The following RBFOX1 variants were observed in gnomAD, a reference collection of about 807,000 sequenced individuals.
The protein encoded by RBFOX1 is RNA binding fox-1 homolog 1.
Under a neutral mutation model 57.7 loss-of-function variants are expected in RBFOX1, and 8 were observed. The observed-to-expected ratio is 0.14, with a 90% confidence interval of 0.08 to 0.25. RBFOX1 has a LOEUF of 0.25. Ranked by LOEUF, RBFOX1 falls within the 10% of genes least tolerant of loss-of-function variation. The probability of loss-of-function intolerance (pLI) is 1.00; values close to 1 mark genes in which losing one functional copy is unlikely to be tolerated. For synonymous variants in RBFOX1, 326 were observed against 222.4 expected (o/e 1.47, Z -4.15); for missense variants, 611 against 548.5 (o/e 1.11, Z -1.14).
intron 4 of RBFOX1, among the ~76,000 whole-genome samples, chr16:7,125,578 A>G (rs35836295): frequency 0.071 from 10,758 of 152,262 alleles, 579 homozygotes; most frequent in East Asian, 0.22. Flanking sequence ...GGTTCTAAGC[A>G]TTTTACGGTC....
At chr16:6,254,905 C>G (rs1019199640) in intron 1 of RBFOX1, among the ~76,000 whole-genome samples, 1 of 152,060 alleles carries the variant, frequency 6.6e-6, no homozygotes, top group African/African-American at 2.4e-5. Context: ...CCATGCCCAC[C>G]CCCACTGTCT....
chr16:5,640,535 C>G (rs193221394), intron 3 of RBFOX1, among the ~76,000 whole-genome samples: 2 of 150,756 alleles, frequency 1.3e-5, no homozygotes, highest in Non-Finnish European at 2.9e-5. Context: ...TGCACATACA[C>G]ACATGCACAT....
At chr16:6,284,896 A>T (rs2076744550) in intron 1 of RBFOX1, among the ~76,000 whole-genome samples, 2 of 152,120 alleles carry the variant, frequency 1.3e-5, no homozygotes, top group Admixed American at 6.6e-5. Flanking sequence ...AGTTTGTGAA[A>T]TGGAGTGAAA....
chr16:6,554,322 G>A (rs1465410729), intron 2 of RBFOX1, among the ~76,000 whole-genome samples: 3 of 152,110 alleles, frequency 2.0e-5, no homozygotes, highest in Non-Finnish European at 2.9e-5. Flanking sequence ...TCCCATCCCC[G>A]TGAAGTGTTG....
At chr16:6,980,894 T>G (rs1359853733) in intron 3 of RBFOX1, among the ~76,000 whole-genome samples, 4 of 151,784 alleles carry the variant, frequency 2.6e-5, no homozygotes, top group East Asian at 1.9e-4. Context: ...AATACAAAAA[T>G]TAGCTGGGCA....
chr16:6,753,502 C>T (rs2075297627), intron 3 of RBFOX1, among the ~76,000 whole-genome samples: 1 of 152,288 alleles, frequency 6.6e-6, no homozygotes, highest in African/African-American at 2.4e-5. Context: ...CCCCTTTCAT[C>T]TCCTATACCA....
At chr16:5,368,918 C>G (rs1182900736) in intron 1 of RBFOX1, among the ~76,000 whole-genome samples, 1 of 152,192 alleles carries the variant, frequency 6.6e-6, no homozygotes, top group East Asian at 1.9e-4. Flanking sequence ...CTGTGGGTCT[C>G]TCTCCTCAAT....
At chr16:5,636,959 C>A (rs575660857) in intron 3 of RBFOX1, among the ~76,000 whole-genome samples, 2 of 152,204 alleles carry the variant, frequency 1.3e-5, no homozygotes, top group African/African-American at 4.8e-5. Context: ...TGCCAGCGTG[C>A]GCTGCTAATC....
chr16:6,583,190 A>C (rs1361216750), intron 2 of RBFOX1, among the ~76,000 whole-genome samples: 2 of 152,190 alleles, frequency 1.3e-5, no homozygotes, highest in African/African-American at 2.4e-5. Context: ...CAAAAGGCCC[A>C]GGAGTAGTTC....
At chr16:6,791,914 G>C (rs940674320) in intron 3 of RBFOX1, among the ~76,000 whole-genome samples, 1 of 152,166 alleles carries the variant, frequency 6.6e-6, no homozygotes, top group African/African-American at 2.4e-5. Flanking sequence ...CTAACACAGA[G>C]AGAGAGAGAA....
intron 1 of RBFOX1, among the ~76,000 whole-genome samples, chr16:6,041,398 G>A (rs554107499): frequency 2.3e-4 from 35 of 152,292 alleles, no homozygotes; most frequent in African/African-American, 8.2e-4. Context: ...CCATAGTTAA[G>A]ATGACAAGAC....
At chr16:6,499,012 C>G (rs764921089) in intron 2 of RBFOX1, among the ~76,000 whole-genome samples, 1 of 152,198 alleles carries the variant, frequency 6.6e-6, no homozygotes, top group Non-Finnish European at 1.5e-5. Context: ...TAAATTATTA[C>G]CATTCTATGA....
At chr16:5,468,838 G>T (rs149202027) in intron 2 of RBFOX1, among the ~76,000 whole-genome samples, 16 of 152,358 alleles carry the variant, frequency 1.1e-4, no homozygotes, top group African/African-American at 3.6e-4. Context: ...ACAGTTACAA[G>T]TTGTGAGATC....
intron 2 of RBFOX1, among the ~76,000 whole-genome samples, chr16:6,562,459 G>A (rs1036698806): frequency 6.6e-6 from 1 of 152,182 alleles, no homozygotes; most frequent in Admixed American, 6.5e-5. Flanking sequence ...TGGAAATTCA[G>A]CTGTGCTGGC....
At chr16:6,558,647 T>A (rs2097137670) in intron 2 of RBFOX1, among the ~76,000 whole-genome samples, 1 of 152,142 alleles carries the variant, frequency 6.6e-6, no homozygotes, top group South Asian at 2.1e-4. Context: ...TTGTCCCTTA[T>A]AACCAAAGAT....
intron 4 of RBFOX1, among the ~76,000 whole-genome samples, chr16:7,327,908 T>C (rs1490148381): frequency 1.3e-5 from 2 of 152,172 alleles, no homozygotes; most frequent in Admixed American, 1.3e-4. Context: ...CAGGTTGCGA[T>C]GTTGACCGAC....
chr16:7,364,389 T>A (rs572832378), intron 4 of RBFOX1, among the ~76,000 whole-genome samples: 3 of 152,278 alleles, frequency 2.0e-5, no homozygotes, highest in African/African-American at 7.2e-5. Context: ...TACATTATGG[T>A]GCTAATTCAT....
At chr16:5,915,199 T>A (rs979718370) in intron 4 of RBFOX1, among the ~76,000 whole-genome samples, 1 of 152,224 alleles carries the variant, frequency 6.6e-6, no homozygotes. Context: ...TCTTGTTACA[T>A]CCTCTGATGA....
chr16:6,441,942 A>G (rs1168782561), intron 2 of RBFOX1, among the ~76,000 whole-genome samples: 1 of 152,116 alleles, frequency 6.6e-6, no homozygotes, highest in Non-Finnish European at 1.5e-5. Context: ...TGCTATTAGG[A>G]TGAATTCCTA....
Sources: gnomAD v4.1 joint callset for allele counts (sites outside exome capture counted in the v4.1 genomes callset) on GRCh38, gnomAD v4.1.1 for gene constraint, MANE v1.5 for transcripts, NCBI Gene and HGNC (gene_info 2026-07-23, HGNC 2026-07-21) for gene names.